KCNMA1: variants seen among roughly 807,000 people sequenced by gnomAD.
KCNMA1 encodes Calcium-activated potassium channel subunit alpha-1.
Under a neutral mutation model 140.0 loss-of-function variants are expected in KCNMA1, and 29 were observed. That is an observed-to-expected ratio of 0.21 (90% CI 0.15 to 0.28). The LOEUF is 0.28. Ranked by LOEUF, KCNMA1 falls within the 10% of genes least tolerant of loss-of-function variation. The probability of loss-of-function intolerance (pLI) is 1.00; values close to 1 mark genes in which losing one functional copy is unlikely to be tolerated. For missense variants in KCNMA1, 880 were observed against 1,602.2 expected, an observed-to-expected ratio of 0.55 and a Z score of 7.70; for synonymous variants, 612 against 611.9, an observed-to-expected ratio of 1.00 and a Z score of 0.00.
At chr10:76,957,481 A>G (rs1405081559) in intron 20 of KCNMA1, among the ~76,000 whole-genome samples, 1 of 152,244 alleles carries the variant, frequency 6.6e-6, no homozygotes, top group Admixed American at 6.5e-5. Flanking sequence ...GTTCCAAAAC[A>G]GGAAGATTGT....
At chr10:77,566,360 C>A (rs1272572048) in intron 1 of KCNMA1, among the ~76,000 whole-genome samples, 1 of 152,220 alleles carries the variant, frequency 6.6e-6, no homozygotes, top group East Asian at 1.9e-4. Context: ...GCACTTCTCG[C>A]CATGCGTGAA....
chr10:77,311,880 G>A (rs1265253333), intron 2 of KCNMA1, among the ~76,000 whole-genome samples: 3 of 152,166 alleles, frequency 2.0e-5, no homozygotes, highest in Non-Finnish European at 4.4e-5. Context: ...ATCATCTCAG[G>A]AGATCTATCC....
At chr10:77,027,027 A>ATTCAGAG (rs2093521586) in intron 16 of KCNMA1, among the ~76,000 whole-genome samples, 1 of 152,226 alleles carries the variant, frequency 6.6e-6, no homozygotes, top group African/African-American at 2.4e-5. Context: ...TTCAGAGAAC[A>ATTCAGAG]AAAGCTTGAG....
chr10:77,017,543 A>T (rs1044101236), intron 17 of KCNMA1, among the ~76,000 whole-genome samples: 2 of 152,178 alleles, frequency 1.3e-5, no homozygotes, highest in African/African-American at 4.8e-5. Flanking sequence ...GCAGAAATAA[A>T]TTTAAGTTAT....
chr10:77,470,368 C>G (rs935986527), intron 1 of KCNMA1, among the ~76,000 whole-genome samples: 2 of 152,070 alleles, frequency 1.3e-5, no homozygotes, highest in African/African-American at 4.8e-5. Flanking sequence ...TACTGTGTGC[C>G]GCAAAGGGAA....
chr10:77,421,756 G>A (rs2096871504), intron 1 of KCNMA1, among the ~76,000 whole-genome samples: 1 of 152,264 alleles, frequency 6.6e-6, no homozygotes, highest in Admixed American at 6.5e-5. Context: ...AGCCTGTGGT[G>A]TGCCAGCTCC....
chr10:77,101,704 C>G (rs1447654954), intron 9 of KCNMA1, among the ~76,000 whole-genome samples: 1 of 152,128 alleles, frequency 6.6e-6, no homozygotes, highest in African/African-American at 2.4e-5. Flanking sequence ...ACATTTCGAC[C>G]AGAGCCATGT....
At chr10:76,881,806 G>A (rs983236595), downstream of KCNMA1, among the ~76,000 whole-genome samples, 1 of 152,138 alleles carries the variant, frequency 6.6e-6, no homozygotes, top group Non-Finnish European at 1.5e-5. Flanking sequence ...CAGCAGAGGT[G>A]ACAGAGGGGG....
Position 76,886,554 on chromosome 10 carries a change from CT to C in KCNMA1, c.*711del, listed in dbSNP as rs1481173274. 3 of 985,768 alleles carry C rather than the reference CT, an allele frequency of 3.0e-6. No individual in the cohort carries two copies. Among genetic ancestry groups the C allele is most frequent in the Non-Finnish European group, 3.6e-6 (3 of 830,290 alleles). 61.1% of individuals were successfully genotyped at this position (985,768 alleles called of 1,614,324 possible). On this transcript the variant is annotated 3_prime_UTR_variant, in exon 28 of 28. Coordinates refer to ENST00000286628, the MANE Select transcript of KCNMA1 (RefSeq NM_001161352.2). The stretch of plus-strand genomic sequence containing the variant: ...ATTTGATACATCCATGATTGGAATA[CT>C]ATTCTCTCCTCCATATTAAGGTGAG...
intron 3 of KCNMA1, among the ~76,000 whole-genome samples, chr10:77,197,127 C>G (rs901615280): frequency 6.6e-6 from 1 of 152,158 alleles, no homozygotes; most frequent in Non-Finnish European, 1.5e-5. Context: ...GATATTTCTT[C>G]CTAGTAGTAC....
chr10:77,094,017 G>A (rs1217139957), intron 9 of KCNMA1, among the ~76,000 whole-genome samples: 1 of 152,156 alleles, frequency 6.6e-6, no homozygotes, highest in African/African-American at 2.4e-5. Flanking sequence ...GGCCAGAGCT[G>A]GTGCCTGATT....
chr10:76,958,545 G>T (rs1455016506), intron 20 of KCNMA1, among the ~76,000 whole-genome samples: 2 of 152,190 alleles, frequency 1.3e-5, no homozygotes, highest in Non-Finnish European at 2.9e-5. Context: ...GAATGTGACT[G>T]TATTTTGAAA....
chr10:77,282,009 A>C (rs1392671863), intron 2 of KCNMA1, among the ~76,000 whole-genome samples: 1 of 152,196 alleles, frequency 6.6e-6, no homozygotes, highest in East Asian at 1.9e-4. Flanking sequence ...TTGGGTTAAC[A>C]GGGAGGTTAA....
chr10:77,038,180 C>A (rs2094452568), intron 15 of KCNMA1, among the ~76,000 whole-genome samples: 1 of 152,152 alleles, frequency 6.6e-6, no homozygotes, highest in Non-Finnish European at 1.5e-5. Context: ...TCCAGGTAAA[C>A]ACGAAGCCAC....
At chr10:77,599,353 C>T (rs2673455) in intron 1 of KCNMA1, among the ~76,000 whole-genome samples, 1 of 152,090 alleles carries the variant, frequency 6.6e-6, no homozygotes, top group African/African-American at 2.4e-5. Flanking sequence ...ATAATTTATA[C>T]ATTCGGAGTC....
intron 3 of KCNMA1, among the ~76,000 whole-genome samples, chr10:77,247,802 T>G (rs2058873269): frequency 6.6e-6 from 1 of 152,098 alleles, no homozygotes; most frequent in African/African-American, 2.4e-5. Flanking sequence ...CTTCCTCTGC[T>G]TGGGTGTTTC....
At chr10:77,589,595 G>A (rs959195046) in intron 1 of KCNMA1, among the ~76,000 whole-genome samples, 2 of 152,192 alleles carry the variant, frequency 1.3e-5, no homozygotes, top group Non-Finnish European at 2.9e-5. Context: ...TTCTTGGTCT[G>A]ACTTCAAGAA....
rs2036813344 is a variant in KCNMA1 at position 76,886,157 on chromosome 10, T to G, written c.*1109A>C. On this transcript the variant is annotated 3_prime_UTR_variant, in exon 28 of 28. Transcript: ENST00000286628. ...CATGTCGGCTCCTAGAAAAGCATGA[T>G]CTGCAGCTGGGTTTGTCTTCCTCTC... The G allele has an allele frequency of 3.0e-6, 3 of 985,418 alleles. No homozygotes were observed. Among genetic ancestry groups the G allele is most frequent in the Non-Finnish European group, 3.6e-6 (3 of 829,944 alleles). The allele number at this position is 985,418 out of a possible 1,614,324, so 61.0% of individuals were successfully genotyped here.
chr10:77,092,810 G>T (rs1010742175), intron 9 of KCNMA1, among the ~76,000 whole-genome samples: 9 of 152,178 alleles, frequency 5.9e-5, no homozygotes, highest in African/African-American at 2.2e-4. Flanking sequence ...AGCATGCAAA[G>T]AACTGAATGA....
Sources: gnomAD v4.1 joint callset for allele counts (sites outside exome capture counted in the v4.1 genomes callset) on GRCh38, gnomAD v4.1.1 for gene constraint, MANE v1.5 for transcripts, NCBI Gene and HGNC (gene_info 2026-07-23, HGNC 2026-07-21) for gene names.